Variants in SP4 observed in about 807,000 individuals in gnomAD.
SP4 encodes the protein transcription factor Sp4.
A neutral mutation model predicts 72.8 loss-of-function variants in SP4; 19 were observed. The ratio of observed to expected loss-of-function variants is 0.26; its 90% CI spans 0.18 to 0.38. The LOEUF (loss-of-function observed/expected upper bound fraction) is 0.38. Ranked by LOEUF, SP4 falls within the 10% of genes least tolerant of loss-of-function variation. SP4 has a pLI of 1.00. For missense variants in SP4, 1,008 were observed against 926.3 expected (o/e 1.09, Z -1.14); for synonymous variants, 395 against 333.1 (o/e 1.19, Z -2.02).
rs1283227467 is a variant in SP4 at position 21,477,020 on chromosome 7, T to TA, written c.1679-57dup. ...TATTATGCACATAGATTTTTTTTTT[T>TA]AATCCTTTCTTTAGGTGTAGAAAAC... On this transcript the variant is annotated intron_variant, in intron 3 of 5. Transcript: ENST00000222584. The TA allele has an allele frequency of 9.7e-6, 12 of 1,231,108 alleles. No individual in the cohort carries two copies. In the South Asian group the frequency reaches 1.7e-4, roughly 17 times the overall value. 76.3% of individuals were successfully genotyped at this position (1,231,108 alleles called of 1,614,324 possible). A position where few individuals can be genotyped will look rare whatever the true frequency, so the allele number is the denominator to read the frequency against.
At chr7:21,506,902 TA>T (rs1435403898) in intron 5 of SP4, among the ~76,000 whole-genome samples, 4 of 152,186 alleles carry the variant, frequency 2.6e-5, no homozygotes, top group Non-Finnish European at 5.9e-5. Flanking sequence ...TCCCTTTAAT[TA>T]TTAGTTCCTG....
At position 21,429,406 on chromosome 7, in the gene SP4, G is replaced by A; in HGVS notation, c.241G>A (p.Val81Met). 4 of 1,614,044 alleles carry A rather than the reference G, an allele frequency of 2.5e-6. No individual in the cohort carries two copies. The highest frequency in any genetic ancestry group is 2.5e-6 in the Non-Finnish European group (3 of 1,179,966). ...TATTATAGATCCAAGTCAAGGATTGGTGCAACTTCAAAATCAACCACAACA... is the reference window on the plus strand; with the variant it reads ...TATTATAGATCCAAGTCAAGGATTGATGCAACTTCAAAATCAACCACAACA... ...QIIIDPSQGL[V>M]QLQNQPQQLE... The change falls in exon 3 of 6, where the codon GTG becomes ATG. Residue 81 changes from valine (V) to methionine (M), a missense_variant. Transcript: ENST00000222584.
intron 5 of SP4, among the ~76,000 whole-genome samples, chr7:21,487,713 G>T (rs1381339574): frequency 6.9e-6 from 1 of 144,338 alleles, no homozygotes; most frequent in Non-Finnish European, 1.5e-5. Flanking sequence ...TTCCTGAATT[G>T]TCCAGTGATT....
At chr7:21,486,796 C>T (rs28446999) in intron 5 of SP4, among the ~76,000 whole-genome samples, 36,009 of 152,024 alleles carry the variant, frequency 0.24, 5,408 homozygotes, top group Non-Finnish European at 0.34. Context: ...TAAGTTCAGT[C>T]GACATTCAGG....
chr7:21,489,646 G>A (rs897164949), intron 5 of SP4, among the ~76,000 whole-genome samples: 13 of 141,972 alleles, frequency 9.2e-5, no homozygotes, highest in African/African-American at 3.4e-4. Flanking sequence ...TGCAAGCTCC[G>A]CCTCCTGGGT....
At position 21,469,304 on chromosome 7, in the gene SP4, CAG is replaced by C. The variant is rs1203997256; in HGVS notation, c.1679-7773_1679-7772del. Among the ~76,000 whole-genome samples the C allele has an allele frequency of 6.6e-5, 10 of 152,082 alleles. No individual in the cohort carries two copies. In the East Asian group the frequency reaches 1.9e-3, roughly 29 times the overall value. On this transcript the variant is annotated intron_variant, in intron 3 of 5. Transcript: ENST00000222584. ...AAAATACATTGAACAAAGATTAAAACAGAACTTAGATCATCACATCAAAATGA... is the reference window on the plus strand; with the variant it reads ...AAAATACATTGAACAAAGATTAAAACAACTTAGATCATCACATCAAAATGA...
Position 21,508,807 on chromosome 7 carries a change from C to CTT in SP4, c.2108-2193_2108-2192dup, listed in dbSNP as rs11418275. Among the ~76,000 whole-genome samples the CTT allele has an allele frequency of 5.9e-3, 662 of 111,396 alleles. 4 individuals carry two copies. The highest frequency in any genetic ancestry group is 0.011 in the East Asian group (38 of 3,496). The allele number at this position is 111,396 out of a possible 152,430, so 73.1% of individuals were successfully genotyped here. A position where few individuals can be genotyped will look rare whatever the true frequency, so the allele number is the denominator to read the frequency against. On this transcript the variant is annotated intron_variant, in intron 5 of 5. Coordinates refer to ENST00000222584, the MANE Select transcript of SP4 (RefSeq NM_003112.5). ...CTGGGGTCAGGGCCTTGTCTACACA[C>CTT]TTTTTTTTTTTTTTTTTTTTTTTGA... is the stretch of plus-strand genomic sequence containing the variant.
At chr7:21,482,174 A>G (rs775861789) in intron 5 of SP4, 51 bp downstream of exon 5, 29 of 1,456,986 alleles carry the variant, frequency 2.0e-5, no homozygotes, top group Non-Finnish European at 2.6e-5. Context: ...CAGTTTTTAC[A>G]TGAAAATTTT....
At chr7:21,502,040 ACC>A (rs55723306) in intron 5 of SP4, among the ~76,000 whole-genome samples, 2,300 of 72,288 alleles carry the variant, frequency 0.032, 79 homozygotes, top group South Asian at 0.13. Flanking sequence ...TTCATTAGGC[ACC>A]CCCCCCCCCC....
chr7:21,429,174 T>A (rs1460001984), intron 2 of SP4, 115 bp from the exon 3 acceptor site: 1 of 616,044 alleles, frequency 1.6e-6, no homozygotes, highest in Non-Finnish European at 2.8e-6. Flanking sequence ...TGCTGCTTCC[T>A]AAATTGTTAT....
At chr7:21,434,368 G>A (rs1241241049) in intron 3 of SP4, among the ~76,000 whole-genome samples, 1 of 152,154 alleles carries the variant, frequency 6.6e-6, no homozygotes, top group Non-Finnish European at 1.5e-5. Flanking sequence ...AGTACTTGAA[G>A]CTGGGGAGCT....
intron 3 of SP4, among the ~76,000 whole-genome samples, chr7:21,468,635 T>A (rs77570504): frequency 6.6e-6 from 1 of 151,958 alleles, no homozygotes; most frequent in Non-Finnish European, 1.5e-5. Flanking sequence ...TTATAATAAT[T>A]TGTTGATTTT....
chr7:21,499,577 T>A (rs1781814812), intron 5 of SP4, among the ~76,000 whole-genome samples: 1 of 152,120 alleles, frequency 6.6e-6, no homozygotes. Context: ...CTAGAGTCCT[T>A]GGAGGGAGCA....
intron 3 of SP4, among the ~76,000 whole-genome samples, chr7:21,446,576 T>C (rs1783434097): frequency 6.6e-6 from 1 of 152,208 alleles, no homozygotes; most frequent in African/African-American, 2.4e-5. Flanking sequence ...GTGTGTTTCG[T>C]AAAATGAAAT....
intron 3 of SP4, among the ~76,000 whole-genome samples, chr7:21,438,602 G>T (rs1308303217): frequency 6.6e-6 from 1 of 152,006 alleles, no homozygotes; most frequent in Admixed American, 6.6e-5. Context: ...TGAATTTGTA[G>T]TTACGATATG....
Position 21,510,355 on chromosome 7 carries a change from T to TTG in SP4, c.2108-667_2108-666insTG, listed in dbSNP as rs200681150. On this transcript the variant is annotated intron_variant, in intron 5 of 5. Coordinates refer to ENST00000222584, the MANE Select transcript of SP4 (RefSeq NM_003112.5). ...ATACACAAAAACAAAAAGGCCTTTT[T>TTG]GTTTTTAGTTAACATTAAACTAGCT... Among the ~76,000 whole-genome samples, 621 of 151,978 alleles carry TTG rather than the reference T, an allele frequency of 4.1e-3. 3 individuals carry two copies. The highest frequency in any genetic ancestry group is 0.014 in the African/African-American group (562 of 41,224).
intron 5 of SP4, among the ~76,000 whole-genome samples, chr7:21,498,373 C>A (rs890925335): frequency 1.3e-5 from 2 of 152,046 alleles, no homozygotes; most frequent in African/African-American, 4.8e-5. Context: ...GGTCCTGGGA[C>A]CAATCCTAGT....
chr7:21,445,955 T>C (rs1413634890), intron 3 of SP4, among the ~76,000 whole-genome samples: 2 of 145,992 alleles, frequency 1.4e-5, no homozygotes, highest in Admixed American at 7.1e-5. Context: ...TTCCAAAACA[T>C]ATGATCGAGT....
Position 21,477,173 on chromosome 7 carries a change from T to A in SP4, c.1773T>A (p.Gly591=). The change falls in exon 4 of 6, where the codon GGT becomes GGA. Residue 591 remains glycine (G), a synonymous_variant. Transcript: ENST00000222584. ...GAGGAATTGCTAATGCCACGATAGG[T>A]GCTGTTAGTCCTGACCAACTCACAC... is the stretch of plus-strand genomic sequence containing the variant. ...AVGGIANATI[G]AVSPDQLTQV... The A allele has an allele frequency of 6.2e-7, 1 of 1,614,118 alleles. No individual in the cohort carries two copies. Among genetic ancestry groups the A allele is most frequent in the African/African-American group, 1.3e-5 (1 of 75,052 alleles).
Sources: gnomAD v4.1 joint callset for allele counts (sites outside exome capture counted in the v4.1 genomes callset) on GRCh38, gnomAD v4.1.1 for gene constraint, MANE v1.5 for transcripts, NCBI Gene and HGNC (gene_info 2026-07-23, HGNC 2026-07-21) for gene names.